Variants in NFIB observed in about 807,000 individuals in gnomAD.
NFIB encodes the protein nuclear factor I B, also known as nuclear factor 1 B-type.
A neutral mutation model predicts 61.5 loss-of-function variants in NFIB; 11 were observed. The observed-to-expected ratio is 0.18, with a 90% CI of 0.11 to 0.30. NFIB has a LOEUF of 0.30. NFIB is among the 10% of genes least tolerant of loss of function. NFIB has a pLI of 1.00. For missense variants in NFIB, 471 were observed against 608.9 expected (o/e 0.77, Z 2.38); for synonymous variants, 260 against 216.5 (o/e 1.20, Z -1.76).
chr9:14,192,349 T>A (rs2131563670), intron 2 of NFIB, among the ~76,000 whole-genome samples: 1 of 152,308 alleles, frequency 6.6e-6, no homozygotes, highest in African/African-American at 2.4e-5. Flanking sequence ...TGATAAAGCT[T>A]TGGATGATAT....
rs569277672 is a variant in NFIB, at chr9:14,185,053, A to C, written c.563-5273T>G. Among the ~76,000 whole-genome samples, 14 of 146,456 alleles carry C rather than the reference A, an allele frequency of 9.6e-5. No individual in the cohort carries two copies. In the South Asian group the frequency reaches 3.0e-3, roughly 31 times the overall value. ...TGTAATGCTTATTAAATTTATATTTAATTTACAATAATGACCTTTAAATAT... is the reference window on the plus strand; with the variant it reads ...TGTAATGCTTATTAAATTTATATTTCATTTACAATAATGACCTTTAAATAT... On this transcript the variant is annotated intron_variant, in intron 2 of 10. Coordinates refer to ENST00000380953, the MANE Select transcript of NFIB (RefSeq NM_001190737.2).
the NFIB span, among the ~76,000 whole-genome samples, chr9:14,449,332 TG>T: frequency 6.6e-6 from 1 of 152,170 alleles, no homozygotes; most frequent in Admixed American, 6.5e-5. Context: ...TAAAACCTAC[TG>T]ATGCCTATGC....
chr9:14,285,241 G>A (rs948848240), intron 2 of NFIB, among the ~76,000 whole-genome samples: 7 of 152,138 alleles, frequency 4.6e-5, no homozygotes, highest in African/African-American at 1.7e-4. Context: ...TCCTGCCTCA[G>A]CCTCCTGAGT....
At chr9:14,334,812 A>G (rs1321228096) in intron 1 of NFIB, among the ~76,000 whole-genome samples, 2 of 152,138 alleles carry the variant, frequency 1.3e-5, no homozygotes. Flanking sequence ...TTACCTCTAA[A>G]AATGTTTATA....
chr9:14,285,552 A>G (rs2058655543), intron 2 of NFIB, among the ~76,000 whole-genome samples: 1 of 152,192 alleles, frequency 6.6e-6, no homozygotes, highest in Non-Finnish European at 1.5e-5. Context: ...TTCATTATCT[A>G]GAATTACAGT....
chr9:14,146,760 G>T lies in NFIB; in HGVS notation c.854C>A (p.Pro285His). 6.2e-7 allele frequency: 1 copy of T among 1,607,270 alleles called. No homozygotes were observed. The highest frequency in any genetic ancestry group is 8.5e-7 in the Non-Finnish European group (1 of 1,178,290). The change falls in exon 6 of 11, where the codon CCT (proline) becomes CAT (histidine). Residue 285 changes from proline to histidine, a missense_variant. Physicochemically the swap from Pro to His is moderately conservative, Grantham distance 77. Around this residue, in one of 2 missense-constraint regions of NFIB, gnomAD observed 372 missense variants for 395.6 expected, o/e 0.94. Coordinates refer to ENST00000380953, the MANE Select transcript of NFIB (RefSeq NM_001190737.2). ...TGGAGAGGGGTAAAAGTCTCCTGTAGGACTTGGTTCCATATTTTCATCTAT... is the reference window on the plus strand; with the variant it reads ...TGGAGAGGGGTAAAAGTCTCCTGTATGACTTGGTTCCATATTTTCATCTAT... ...ISIDENMEPS[P>H]TGDFYPSPSS... is the part of the protein sequence containing the mutation.
chr9:14,415,496 A>C, the NFIB span, among the ~76,000 whole-genome samples: 1 of 152,230 alleles, frequency 6.6e-6, no homozygotes, highest in South Asian at 2.1e-4. Context: ...GTGACTGCAC[A>C]AAGTGTGAAT....
intron 2 of NFIB, among the ~76,000 whole-genome samples, chr9:14,213,511 A>G (rs2050531733): frequency 6.6e-6 from 1 of 152,246 alleles, no homozygotes; most frequent in Non-Finnish European, 1.5e-5. Context: ...GATAGGGCCC[A>G]TGAATCTGCA....
chr9:14,370,208 C>G (rs1297277996), intron 1 of NFIB, among the ~76,000 whole-genome samples: 1 of 152,212 alleles, frequency 6.6e-6, no homozygotes, highest in Non-Finnish European at 1.5e-5. Flanking sequence ...AGCTTTTCCA[C>G]TCTTACCCCC....
intron 1 of NFIB, among the ~76,000 whole-genome samples, chr9:14,353,737 C>T (rs1588356300): frequency 6.6e-6 from 1 of 152,104 alleles, no homozygotes; most frequent in Non-Finnish European, 1.5e-5. Flanking sequence ...TGGAGGAGTC[C>T]ACGGGTCAGA....
chr9:14,486,630 G>A, the NFIB span, among the ~76,000 whole-genome samples: 1 of 152,028 alleles, frequency 6.6e-6, no homozygotes, highest in Non-Finnish European at 1.5e-5. Context: ...TGGATAGCAG[G>A]CCTTCCCCAG....
chr9:14,503,850 T>G, the NFIB span, among the ~76,000 whole-genome samples: 3 of 152,174 alleles, frequency 2.0e-5, no homozygotes, highest in African/African-American at 7.2e-5. Flanking sequence ...TTTATCTTTG[T>G]TTTTGTTGCA....
At chr9:14,184,432 A>T (rs539137743) in intron 2 of NFIB, among the ~76,000 whole-genome samples, 3 of 152,300 alleles carry the variant, frequency 2.0e-5, no homozygotes, top group East Asian at 3.9e-4. Flanking sequence ...CTAAGTTGGA[A>T]GCAATTATTA....
Position 14,347,525 on chromosome 9 carries a change from C to A in NFIB, c.109-40005G>T, listed in dbSNP as rs2061041274. 2.0e-5 allele frequency among the ~76,000 whole-genome samples: 3 copies of A among 152,108 alleles called. No individual in the cohort carries two copies. The South Asian group carries it at 6.2e-4, about 32-fold the overall frequency. ...TAGGTAGCGCAGTTAGTGGCGGAGG[C>A]TCAGGGCAAGCTAACAGTGCTGGGG... On this transcript the variant is annotated intron_variant, in intron 1 of 8. Coordinates refer to the NFIB transcript ENST00000380934.
At chr9:14,262,836 T>C (rs975545005) in intron 2 of NFIB, among the ~76,000 whole-genome samples, 1 of 152,210 alleles carries the variant, frequency 6.6e-6, no homozygotes, top group Non-Finnish European at 1.5e-5. Flanking sequence ...AGTTTCAACA[T>C]GAAACTGGCA....
chr9:14,514,238 C>G, the NFIB span, among the ~76,000 whole-genome samples: 4 of 151,924 alleles, frequency 2.6e-5, no homozygotes, highest in African/African-American at 9.7e-5. Flanking sequence ...TGTTCTCCAA[C>G]CCTGCAATTT....
At chr9:14,088,825 G>A (rs1175735558) in intron 10 of NFIB, among the ~76,000 whole-genome samples, 1 of 152,062 alleles carries the variant, frequency 6.6e-6, no homozygotes, top group Non-Finnish European at 1.5e-5. Context: ...AAAGTACGGT[G>A]AAAGATATTT....
chr9:14,424,161 AC>A, the NFIB span, among the ~76,000 whole-genome samples: 15 of 152,250 alleles, frequency 9.9e-5, no homozygotes, highest in African/African-American at 7.2e-5. Flanking sequence ...CTAAGCACAG[AC>A]CCAAGGGAGT....
At chr9:14,487,380 C>A in the NFIB span, among the ~76,000 whole-genome samples, 1 of 152,162 alleles carries the variant, frequency 6.6e-6, no homozygotes, top group East Asian at 1.9e-4. Context: ...ATGTAACTGG[C>A]AGAGAGAAAC....
Sources: allele counts gnomAD v4.1 joint callset (sites outside exome capture counted in the v4.1 genomes callset), GRCh38; gene constraint gnomAD v4.1.1; regional missense constraint gnomAD v4.1.1; transcripts MANE v1.5; gene names NCBI Gene and HGNC (gene_info 2026-07-23, HGNC 2026-07-21).